Variants in DROSHA observed in about 807,000 individuals in gnomAD.
DROSHA encodes ribonuclease 3.
Under a neutral mutation model 181.9 loss-of-function variants are expected in DROSHA, and 56 were observed. That is an observed-to-expected ratio of 0.31 (90% CI 0.25 to 0.38). The LOEUF (loss-of-function observed/expected upper bound fraction) is 0.38. Among genes scored for constraint, DROSHA ranks in the 10% least tolerant of loss-of-function variants. The pLI, the probability that DROSHA is intolerant of heterozygous loss-of-function variation, is 1.00. For synonymous variants in DROSHA, 524 were observed against 591.2 expected (o/e 0.89, Z 1.65); for missense variants, 1,218 against 1,743.5 (o/e 0.70, Z 5.37).
At chr5:31,412,242 C>G (rs1473229395) in intron 30 of DROSHA, among the ~76,000 whole-genome samples, 3 of 152,168 alleles carry the variant, frequency 2.0e-5, no homozygotes, top group African/African-American at 7.2e-5. Context: ...CATAATCATC[C>G]CTGATCTCTA....
chr5:31,520,576 G>A (rs150247817), intron 6 of DROSHA, among the ~76,000 whole-genome samples: 280 of 152,134 alleles, frequency 1.8e-3, no homozygotes, highest in Non-Finnish European at 3.7e-3. Flanking sequence ...TTTTACAAAC[G>A]AAGACACTGA....
In DROSHA at chr5:31,485,635, T is replaced by TAAAAAAA. The variant is rs10523474; in HGVS notation, c.1915-680_1915-674dup. Among the ~76,000 whole-genome samples, 28 of 136,024 alleles carry TAAAAAAA rather than the reference T, an allele frequency of 2.1e-4. No homozygotes were observed. The South Asian group carries it at 2.1e-3, about 10-fold the overall frequency. The allele number at this position is 136,024 out of a possible 152,430, so 89.2% of individuals were successfully genotyped here. On this transcript the variant is annotated intron_variant, in intron 14 of 35. Coordinates refer to ENST00000344624, the MANE Select transcript of DROSHA (RefSeq NM_001382508.1). The stretch of plus-strand genomic sequence containing the variant: ...ATGACCTTAAAAACCAAAAGGAAGT[T>TAAAAAAA]AAAAAAAAAAAAAAACCCTTCTAAA...
intron 3 of DROSHA, among the ~76,000 whole-genome samples, chr5:31,529,922 C>T (rs939438610): frequency 1.3e-5 from 2 of 152,126 alleles, no homozygotes; most frequent in Non-Finnish European, 2.9e-5. Context: ...TTTCCAAATA[C>T]TTGAACTTCA....
At chr5:31,401,648 T>C (rs866274740) in intron 35 of DROSHA, 86 bp from the exon 36 acceptor site, 1 of 854,312 alleles carries the variant, frequency 1.2e-6, no homozygotes, top group African/African-American at 1.8e-5. Flanking sequence ...CATATACACA[T>C]ACAAATATAC....
chr5:31,409,519 G>C lies in DROSHA; in HGVS notation c.3668-187C>G, dbSNP rs971100033. On this transcript the variant is annotated intron_variant, in intron 31 of 35. Transcript: ENST00000344624. This position sits in a 1 kb window ranked among gnomAD's most constrained non-coding sequence, Gnocchi z 4.0. ...TAATATCAGAAGCAGCAAGAGATGT[G>C]TAAGATGCAAATCATAGAGTACAAA... 42 of 585,360 alleles carry C rather than the reference G, an allele frequency of 7.2e-5. No homozygotes were observed. The Admixed American group carries it at 1.2e-3, about 17-fold the overall frequency. 36.3% of individuals were successfully genotyped at this position (585,360 alleles called of 1,614,324 possible). A position where few individuals can be genotyped will look rare whatever the true frequency, so the allele number is the denominator to read the frequency against.
Position 31,485,934 on chromosome 5 carries a change from T to C in DROSHA, c.1914+557A>G, listed in dbSNP as rs75792413. 3.9e-3 allele frequency among the ~76,000 whole-genome samples: 587 copies of C among 152,358 alleles called. 3 individuals are homozygous for C. Among genetic ancestry groups the C allele is most frequent in the Non-Finnish European group, 6.1e-3 (414 of 68,038 alleles). Reference sequence around the variant, plus strand: ...AGTTGTTATTTCTTAGTATGATTTGTTGACACCACTAAATTCAAGATCAGA... The same window carrying C: ...AGTTGTTATTTCTTAGTATGATTTGCTGACACCACTAAATTCAAGATCAGA... On this transcript the variant is annotated intron_variant, in intron 14 of 35. Coordinates refer to ENST00000344624, the MANE Select transcript of DROSHA (RefSeq NM_001382508.1).
At position 31,514,822 on chromosome 5, in the gene DROSHA, G is replaced by C. The variant is rs919577155; in HGVS notation, c.1290+166C>G. Among the ~76,000 whole-genome samples the C allele has an allele frequency of 2.0e-5, 3 of 152,086 alleles. No homozygotes were observed. Among genetic ancestry groups the C allele is most frequent in the African/African-American group, 7.2e-5 (3 of 41,404 alleles). Reference sequence around the variant, plus strand: ...AAGACATTTTCGGTAACCACAACTGGGGAGGGGTACTACTGGCATCTAACA... The same window carrying C: ...AAGACATTTTCGGTAACCACAACTGCGGAGGGGTACTACTGGCATCTAACA... On this transcript the variant is annotated intron_variant, in intron 8 of 35. Coordinates refer to ENST00000344624, the MANE Select transcript of DROSHA (RefSeq NM_001382508.1). This position sits in a 1 kb window ranked among gnomAD's most constrained non-coding sequence, Gnocchi z 4.4.
intron 13 of DROSHA, among the ~76,000 whole-genome samples, chr5:31,488,413 C>CAAAA (rs746732224): frequency 3.1e-5 from 2 of 64,048 alleles, no homozygotes; most frequent in Non-Finnish European, 3.3e-5. Context: ...ACTCTATCAC[C>CAAAA]AAAAAAAAAA....
chr5:31,412,696 T>C (rs947639991), intron 30 of DROSHA, among the ~76,000 whole-genome samples: 12 of 152,210 alleles, frequency 7.9e-5, no homozygotes, highest in African/African-American at 2.9e-4. Flanking sequence ...TCCCATCTTT[T>C]CTTCAATATA....
chr5:31,453,445 G>C (rs1747265257), intron 20 of DROSHA, among the ~76,000 whole-genome samples: 1 of 152,126 alleles, frequency 6.6e-6, no homozygotes, highest in Non-Finnish European at 1.5e-5. Context: ...CAAGGGATCA[G>C]CCTGTCTCAG....
chr5:31,432,257 G>A (rs917421676), intron 25 of DROSHA, among the ~76,000 whole-genome samples: 2 of 151,400 alleles, frequency 1.3e-5, no homozygotes, highest in Non-Finnish European at 2.9e-5. Flanking sequence ...TCACCCACCC[G>A]AGTAGATGGG....
chr5:31,406,498 AAAAT>A (rs1005586288), intron 34 of DROSHA, among the ~76,000 whole-genome samples: 19 of 152,022 alleles, frequency 1.2e-4, no homozygotes, highest in African/African-American at 3.9e-4. Flanking sequence ...TCCAAAAAAA[AAAAT>A]AAATAAAAGT....
At position 31,514,903 on chromosome 5, in the gene DROSHA, A is replaced by G. The variant is rs542206432; in HGVS notation, c.1290+85T>C. ...TACAATGCATAGGGCAGTCCCCACA[A>G]TCAAGAATTTATCCAGCCCCAAAGG... On this transcript the variant is annotated intron_variant, in intron 8 of 35. Coordinates refer to ENST00000344624, the MANE Select transcript of DROSHA (RefSeq NM_001382508.1). This position sits in a 1 kb window ranked among gnomAD's most constrained non-coding sequence, Gnocchi z 4.4. 1.9e-4 allele frequency: 253 copies of G among 1,310,480 alleles called. 1 individual carries two copies. The African/African-American group carries it at 3.4e-3, about 18-fold the overall frequency. The allele number at this position is 1,310,480 out of a possible 1,614,324, so 81.2% of individuals were successfully genotyped here.
rs181871053 is a variant in DROSHA at position 31,444,260 on chromosome 5, C to A, written c.2882+4287G>T. On this transcript the variant is annotated intron_variant, in intron 23 of 35. Coordinates refer to ENST00000344624, the MANE Select transcript of DROSHA (RefSeq NM_001382508.1). ...TAGCAGCAGATCCTGGCAGTCAAGGCCAAGAGGCTCTTTCTGAACAGACAC... is the reference window on the plus strand; with the variant it reads ...TAGCAGCAGATCCTGGCAGTCAAGGACAAGAGGCTCTTTCTGAACAGACAC... Among the ~76,000 whole-genome samples the A allele has an allele frequency of 4.3e-3, 653 of 152,184 alleles. 7 individuals are homozygous for A. The highest frequency in any genetic ancestry group is 0.015 in the African/African-American group (619 of 41,516).
intron 4 of DROSHA, chr5:31,527,432 G>C (rs1244632022): frequency 6.4e-6 from 1 of 155,676 alleles, no homozygotes; most frequent in Non-Finnish European, 1.4e-5. Context: ...TTGGCCTCCA[G>C]GTCTCCCTTG....
rs1209492814 is a variant in DROSHA, at chr5:31,437,226, AAAGC to A, written c.2942+9_2942+12del. On this transcript the variant is annotated intron_variant, in intron 24 of 35. Transcript: ENST00000344624. ...TTATTGAGGAATTGTAAAAAACAAA[AAAGC>A]CTAATTACCTGGTCAGAAATTCAAC... 1 of 1,563,258 alleles carries A rather than the reference AAAGC, an allele frequency of 6.4e-7. No homozygotes were observed. Among genetic ancestry groups the A allele is most frequent in the South Asian group, 1.2e-5 (1 of 84,530 alleles).
At chr5:31,503,943 A>G (rs1314330519) in intron 11 of DROSHA, among the ~76,000 whole-genome samples, 1 of 152,254 alleles carries the variant, frequency 6.6e-6, no homozygotes, top group Non-Finnish European at 1.5e-5. Context: ...TTTAAATACA[A>G]TGCACTGAAT....
rs1253244726 is a variant in DROSHA, at chr5:31,470,411, G to A, written c.2241+1652C>T. ...GTTAGTGGTCTTTGGGTTTTCACCT[G>A]GGCAAGCATCATACATTAGTTTGGT... On this transcript the variant is annotated intron_variant, in intron 17 of 35. Coordinates refer to ENST00000344624, the MANE Select transcript of DROSHA (RefSeq NM_001382508.1). This position sits in a 1 kb window ranked among gnomAD's most constrained non-coding sequence, Gnocchi z 4.0. 1.3e-5 allele frequency among the ~76,000 whole-genome samples: 2 copies of A among 152,112 alleles called. No homozygotes were observed. The highest frequency in any genetic ancestry group is 4.8e-5 in the African/African-American group (2 of 41,422).
In DROSHA at chr5:31,508,731, A is replaced by G. The variant is rs1436162555; in HGVS notation, c.1477T>C (p.Cys493Arg). ...SECESDEDST[C>R]SSSSDSEVFD... is the part of the protein sequence containing the mutation. ...ACTTCAGAGTCTGAGCTGCTAGAAC[A>G]GGTGCTGTCCTCATCAGACTCACAC... Residue 493 changes from cysteine to arginine, a missense_variant, in exon 10 of 36, where the codon TGT (cysteine) becomes CGT (arginine). Transcript: ENST00000344624. The G allele has an allele frequency of 6.2e-7, 1 of 1,613,836 alleles. No individual in the cohort carries two copies. The highest frequency in any genetic ancestry group is 1.7e-5 in the Admixed American group (1 of 60,006).
Sources: allele counts gnomAD v4.1 joint callset (sites outside exome capture counted in the v4.1 genomes callset), GRCh38; gene constraint gnomAD v4.1.1; non-coding constraint Gnocchi (gnomAD v3.1); transcripts MANE v1.5; gene names NCBI Gene and HGNC (gene_info 2026-07-23, HGNC 2026-07-21).